CSMD1: variants seen among roughly 807,000 people sequenced by gnomAD.
The protein encoded by CSMD1 is CUB and sushi domain-containing protein 1.
In CSMD1, 213 loss-of-function variants were observed where a neutral mutation model predicts 417.5. The observed-to-expected ratio is 0.51, with a 90% CI of 0.46 to 0.57. The LOEUF is 0.57. Among genes scored for constraint, CSMD1 ranks in the 20% least tolerant of loss-of-function variants. CSMD1 has a pLI of 0.00. For missense variants in CSMD1, 6,923 were observed against 4,529.7 expected, an observed-to-expected ratio of 1.53 and a Z score of -15.17; for synonymous variants, 2,862 against 1,736.8, an observed-to-expected ratio of 1.65 and a Z score of -16.11.
chr8:4,856,506 G>A (rs1801809245), intron 1 of CSMD1, among the ~76,000 whole-genome samples: 1 of 139,420 alleles, frequency 7.2e-6, no homozygotes, highest in Non-Finnish European at 1.5e-5. Context: ...TCAGTGTGCT[G>A]TATTCAGGAA....
chr8:3,683,641 T>G (rs1478754610), intron 7 of CSMD1, among the ~76,000 whole-genome samples: 1 of 152,212 alleles, frequency 6.6e-6, no homozygotes, highest in Admixed American at 6.5e-5. Flanking sequence ...GCATACTCTT[T>G]TAATTTAATA....
chr8:4,548,842 G>T (rs1160431017), intron 2 of CSMD1, among the ~76,000 whole-genome samples: 3 of 152,026 alleles, frequency 2.0e-5, no homozygotes, highest in African/African-American at 7.3e-5. Flanking sequence ...TGGTCTTGGG[G>T]GGACATGTGA....
Position 3,586,255 on chromosome 8 carries a change from C to T in CSMD1, c.1103G>A (p.Gly368Asp), listed in dbSNP as rs760950780. The T allele has an allele frequency of 1.2e-6, 2 of 1,600,234 alleles. No individual in the cohort carries two copies. The highest frequency in any genetic ancestry group is 1.7e-6 in the Non-Finnish European group (2 of 1,175,236). ...CTCACATGAAAACTGTACATTTGCA[C>T]CAACCCTAAGCCGTTAAAAAAGAAA... ...GRRAGSDFRV[G>D]ANVQFSCEDN... is the part of the protein sequence containing the mutation. Residue 368 changes from glycine to aspartate, a missense_variant, in exon 9 of 70, where the codon GGT (glycine) becomes GAT (aspartate). Physicochemically the swap from Gly to Asp is moderately conservative, Grantham distance 94 (BLOSUM62 -1). Coordinates refer to ENST00000635120, the MANE Select transcript of CSMD1 (RefSeq NM_033225.6).
rs74800067 is a variant in CSMD1, at chr8:4,445,476, G to C, written c.303-25411C>G. 2.4e-3 allele frequency among the ~76,000 whole-genome samples: 360 copies of C among 152,306 alleles called. 13 individuals carry two copies. Among genetic ancestry groups the C allele is most frequent in the East Asian group, 0.02 (102 of 5,170 alleles). ...ACCCTCCAGTGAGTCACTTAAGAAAGTCAAAGTCTTTGCTTTCATAAAGCC... is the reference window on the plus strand; with the variant it reads ...ACCCTCCAGTGAGTCACTTAAGAAACTCAAAGTCTTTGCTTTCATAAAGCC... On this transcript the variant is annotated intron_variant, in intron 2 of 69. Coordinates refer to ENST00000635120, the MANE Select transcript of CSMD1 (RefSeq NM_033225.6).
chr8:4,627,569 G>C (rs994418861), intron 2 of CSMD1, among the ~76,000 whole-genome samples: 1 of 152,046 alleles, frequency 6.6e-6, no homozygotes, highest in African/African-American at 2.4e-5. Flanking sequence ...TTACTAAAGT[G>C]ATTTCTTCAT....
intron 2 of CSMD1, among the ~76,000 whole-genome samples, chr8:4,499,185 G>A (rs1191256729): frequency 6.6e-6 from 1 of 152,192 alleles, no homozygotes; most frequent in Non-Finnish European, 1.5e-5. Flanking sequence ...AAGCAAGACA[G>A]AAAATTGAGG....
At chr8:4,457,209 G>C (rs749103516) in intron 2 of CSMD1, among the ~76,000 whole-genome samples, 3 of 152,132 alleles carry the variant, frequency 2.0e-5, no homozygotes, top group East Asian at 1.9e-4. Context: ...ACATGTGGAG[G>C]GAAGGGGGGA....
At chr8:3,700,227 A>G (rs1421060212) in intron 7 of CSMD1, among the ~76,000 whole-genome samples, 1 of 152,176 alleles carries the variant, frequency 6.6e-6, no homozygotes, top group East Asian at 1.9e-4. Flanking sequence ...ATGTAACCAT[A>G]TACCACCTGT....
chr8:2,978,740 A>T lies in CSMD1; in HGVS notation c.8438T>A (p.Phe2813Tyr). Residue 2813 changes from phenylalanine to tyrosine, a missense_variant, in exon 55 of 70, where the codon TTC (phenylalanine) becomes TAC (tyrosine). Coordinates refer to ENST00000635120, the MANE Select transcript of CSMD1 (RefSeq NM_033225.6). Reference sequence around the variant, plus strand: ...CATTCCATACTCAAAACTCTCAGGGAAGTTCTGTTGCCCGTGACGAATGGC... The same window carrying T: ...CATTCCATACTCAAAACTCTCAGGGTAGTTCTGTTGCCCGTGACGAATGGC... ...ENAIRHGQQN[F>Y]PESFEYGMSI... 1 of 1,613,600 alleles carries T rather than the reference A, an allele frequency of 6.2e-7. No homozygotes were observed. Among genetic ancestry groups the T allele is most frequent in the East Asian group, 2.2e-5 (1 of 44,848 alleles).
intron 11 of CSMD1, among the ~76,000 whole-genome samples, chr8:3,474,803 C>G (rs527827148): frequency 4.6e-5 from 7 of 152,234 alleles, no homozygotes; most frequent in African/African-American, 7.2e-5. Context: ...TTTAACACAG[C>G]TCAATTTTTC....
chr8:3,460,398 G>A (rs1406633648), intron 12 of CSMD1, among the ~76,000 whole-genome samples: 1 of 152,176 alleles, frequency 6.6e-6, no homozygotes, highest in Non-Finnish European at 1.5e-5. Flanking sequence ...CCACTTTACA[G>A]AATATTCTGT....
chr8:4,441,095 G>GTTTTTTTTTGTTTTTTTTTTTTTTTTT (rs1798444969), intron 2 of CSMD1, among the ~76,000 whole-genome samples: 1 of 51,296 alleles, frequency 1.9e-5, no homozygotes, highest in African/African-American at 6.7e-5. Context: ...TAATCAAAAG[G>GTTTTTTTTTGTTTTTTTTTTTTTTTTT]TTTTTTTTTT....
intron 12 of CSMD1, among the ~76,000 whole-genome samples, chr8:3,427,690 T>C (rs1813943444): frequency 6.6e-6 from 1 of 152,224 alleles, no homozygotes; most frequent in Non-Finnish European, 1.5e-5. Flanking sequence ...TTATCCCTTT[T>C]ATCAACTTTT....
At chr8:2,998,420 C>G (rs1048690679) in intron 53 of CSMD1, among the ~76,000 whole-genome samples, 1 of 152,188 alleles carries the variant, frequency 6.6e-6, no homozygotes, top group Admixed American at 6.5e-5. Flanking sequence ...CTGCCAAACA[C>G]GCTTTCTTTA....
chr8:4,371,108 G>A (rs978769533), intron 3 of CSMD1, among the ~76,000 whole-genome samples: 1 of 152,048 alleles, frequency 6.6e-6, no homozygotes. Flanking sequence ...TGTTTTTATG[G>A]TCTTTATTGC....
At chr8:3,901,008 T>C (rs1807713500) in intron 5 of CSMD1, among the ~76,000 whole-genome samples, 1 of 152,180 alleles carries the variant, frequency 6.6e-6, no homozygotes, top group South Asian at 2.1e-4. Flanking sequence ...GCTGTCATAG[T>C]GTTATCATTA....
At chr8:4,876,204 G>T (rs932517739) in intron 1 of CSMD1, among the ~76,000 whole-genome samples, 1 of 151,940 alleles carries the variant, frequency 6.6e-6, no homozygotes. Flanking sequence ...AAATATGTAG[G>T]CCACTTTTGG....
intron 1 of CSMD1, among the ~76,000 whole-genome samples, chr8:4,659,507 A>G (rs374578114): frequency 3.9e-5 from 6 of 152,168 alleles, no homozygotes; most frequent in Admixed American, 6.5e-5. Flanking sequence ...TGAACCTTGA[A>G]AACATGCTAA....
At chr8:4,316,220 A>AT (rs1798921891) in intron 3 of CSMD1, among the ~76,000 whole-genome samples, 1 of 152,130 alleles carries the variant, frequency 6.6e-6, no homozygotes, top group Non-Finnish European at 1.5e-5. Flanking sequence ...AAATTTTATG[A>AT]TTTTCTAATG....
Sources: allele counts gnomAD v4.1 joint callset (sites outside exome capture counted in the v4.1 genomes callset), GRCh38; gene constraint gnomAD v4.1.1; transcripts MANE v1.5; gene names NCBI Gene and HGNC (gene_info 2026-07-23, HGNC 2026-07-21).